The following AFG2A variants were observed in gnomAD, a reference collection of about 807,000 sequenced individuals.
The protein encoded by AFG2A is ATPase family gene 2 protein homolog A.
At chr4:122,991,345 A>G in the AFG2A span, among the ~76,000 whole-genome samples, 8 of 152,126 alleles carry the variant, frequency 5.3e-5, no homozygotes, top group African/African-American at 1.9e-4. Context: ...TACCTTATCT[A>G]TATTAAGAAA....
the AFG2A span, among the ~76,000 whole-genome samples, chr4:123,178,214 A>G: frequency 1.3e-5 from 2 of 152,168 alleles, no homozygotes; most frequent in African/African-American, 4.8e-5. Flanking sequence ...TCACTGGAAT[A>G]CTGTACCTTG....
chr4:122,934,477 G>T, the AFG2A span: 1 of 1,614,190 alleles, frequency 6.2e-7, no homozygotes, highest in Non-Finnish European at 8.5e-7. Context: ...TTTTGAATCT[G>T]CCAGAGAAGG....
chr4:123,313,673 C>T, the AFG2A span, among the ~76,000 whole-genome samples: 8 of 152,316 alleles, frequency 5.3e-5, no homozygotes, highest in African/African-American at 1.7e-4. Context: ...GTACTTAATA[C>T]GTTGCTTTGG....
the AFG2A span, among the ~76,000 whole-genome samples, chr4:123,007,515 A>G: frequency 6.9e-6 from 1 of 145,708 alleles, no homozygotes; most frequent in South Asian, 2.3e-4. Flanking sequence ...CTTGCCTATT[A>G]AATTCTCCAT....
the AFG2A span, chr4:123,314,109 ATT>A: frequency 6.9e-7 from 1 of 1,444,204 alleles, no homozygotes; most frequent in Non-Finnish European, 9.1e-7. Context: ...TCCAGAGAAA[ATT>A]TGTTTCTTTT....
At chr4:123,004,965 C>G in the AFG2A span, among the ~76,000 whole-genome samples, 1 of 151,904 alleles carries the variant, frequency 6.6e-6, no homozygotes, top group Admixed American at 6.6e-5. Context: ...TTCAAGAATT[C>G]TGTTTCACCT....
At chr4:123,062,592 C>T in the AFG2A span, among the ~76,000 whole-genome samples, 1 of 152,090 alleles carries the variant, frequency 6.6e-6, no homozygotes, top group Non-Finnish European at 1.5e-5. Context: ...AGCAATAAGT[C>T]ATATGGTATA....
the AFG2A span, among the ~76,000 whole-genome samples, chr4:123,218,792 T>C: frequency 3.9e-5 from 6 of 152,116 alleles, no homozygotes; most frequent in African/African-American, 1.4e-4. Flanking sequence ...ATTAAATCAC[T>C]CTAAGTTGAG....
At chr4:123,190,631 AG>A in the AFG2A span, among the ~76,000 whole-genome samples, 5 of 152,234 alleles carry the variant, frequency 3.3e-5, no homozygotes, top group Admixed American at 3.3e-4. Context: ...TTAATAATAA[AG>A]GTATTCACAG....
chr4:123,314,075 A>G, the AFG2A span: 91 of 1,479,116 alleles, frequency 6.2e-5, no homozygotes, highest in African/African-American at 9.9e-4. Context: ...GAAAATATAT[A>G]TATTCAAGAT....
At chr4:123,009,213 T>A in the AFG2A span, among the ~76,000 whole-genome samples, 1 of 152,210 alleles carries the variant, frequency 6.6e-6, no homozygotes, top group Admixed American at 6.5e-5. Flanking sequence ...CAACTATGTG[T>A]GACAACAGGT....
chr4:123,181,174 C>T, the AFG2A span, among the ~76,000 whole-genome samples: 4 of 151,776 alleles, frequency 2.6e-5, no homozygotes, highest in Non-Finnish European at 5.9e-5. Context: ...TTAGTAGAGA[C>T]GGGGTTTCAC....
At chr4:123,075,592 A>G in the AFG2A span, among the ~76,000 whole-genome samples, 2 of 152,098 alleles carry the variant, frequency 1.3e-5, no homozygotes, top group East Asian at 1.9e-4. Flanking sequence ...TAAATTAACT[A>G]GATGAGTACA....
the AFG2A span, among the ~76,000 whole-genome samples, chr4:123,033,672 A>G: frequency 1.6e-4 from 25 of 152,186 alleles, no homozygotes; most frequent in African/African-American, 4.8e-4. Context: ...TTAGTATATA[A>G]TTTGTGCCCT....
At chr4:122,955,594 G>A in the AFG2A span, among the ~76,000 whole-genome samples, 2 of 152,090 alleles carry the variant, frequency 1.3e-5, no homozygotes, top group African/African-American at 2.4e-5. Flanking sequence ...CTTTTATCTG[G>A]ACTGATATAT....
the AFG2A span, among the ~76,000 whole-genome samples, chr4:122,989,160 CTAAT>C: frequency 2.6e-5 from 4 of 152,238 alleles, no homozygotes; most frequent in African/African-American, 9.6e-5. Context: ...TCCTGTTTCT[CTAAT>C]TATTAGTGAT....
chr4:122,929,702 G>A, the AFG2A span, among the ~76,000 whole-genome samples: 6 of 150,638 alleles, frequency 4.0e-5, no homozygotes, highest in Non-Finnish European at 3.0e-5. Context: ...GTGTCTCAAA[G>A]AAAAAAAAAG....
the AFG2A span, among the ~76,000 whole-genome samples, chr4:123,240,344 G>A: frequency 5.9e-5 from 9 of 152,136 alleles, no homozygotes; most frequent in South Asian, 6.2e-4. Flanking sequence ...TCAGCACCAC[G>A]TCGCAATTAC....
the AFG2A span, among the ~76,000 whole-genome samples, chr4:122,983,241 A>G: frequency 6.6e-6 from 1 of 152,112 alleles, no homozygotes; most frequent in Admixed American, 6.6e-5. Flanking sequence ...TGAAAAAACA[A>G]CTAATGTTGA....
Sources: gnomAD v4.1 joint callset for allele counts (sites outside exome capture counted in the v4.1 genomes callset) on GRCh38, gnomAD v4.1.1 for gene constraint, MANE v1.5 for transcripts, NCBI Gene and HGNC (gene_info 2026-07-23, HGNC 2026-07-21) for gene names.